PIK3CB: variants seen among roughly 807,000 people sequenced by gnomAD.
PIK3CB encodes phosphatidylinositol-4,5-bisphosphate 3-kinase catalytic subunit beta.
Under a neutral mutation model 136.8 loss-of-function variants are expected in PIK3CB, and 39 were observed. That is an observed-to-expected ratio of 0.29 (90% CI 0.22 to 0.37). PIK3CB has a LOEUF of 0.37. Among genes scored for constraint, PIK3CB ranks in the 10% least tolerant of loss-of-function variants. The pLI, the probability that PIK3CB is intolerant of heterozygous loss-of-function variation, is 1.00. For synonymous variants in PIK3CB, 428 were observed against 436.6 expected (o/e 0.98, Z 0.25); for missense variants, 868 against 1,275.4 (o/e 0.68, Z 4.87).
chr3:138,760,165 C>T (rs543025611), intron 2 of PIK3CB, among the ~76,000 whole-genome samples: 12 of 152,250 alleles, frequency 7.9e-5, no homozygotes, highest in South Asian at 2.1e-4. Context: ...CCTCGTGATC[C>T]GCCCGCCTTG....
intron 19 of PIK3CB, among the ~76,000 whole-genome samples, chr3:138,671,684 C>G (rs1354838947): frequency 1.3e-5 from 2 of 152,258 alleles, no homozygotes; most frequent in East Asian, 1.9e-4. Context: ...CCTAAGGAAA[C>G]TGAACACTTG....
intron 22 of PIK3CB, 49 bp from the exon 23 acceptor site, chr3:138,656,323 A>G (rs1270265861): frequency 1.9e-6 from 3 of 1,593,270 alleles, no homozygotes; most frequent in Non-Finnish European, 2.6e-6. Flanking sequence ...GAGGGGAGAG[A>G]GCACATTTCA....
chr3:138,774,806 C>T (rs2045839574), intron 2 of PIK3CB, among the ~76,000 whole-genome samples: 1 of 152,194 alleles, frequency 6.6e-6, no homozygotes, highest in South Asian at 2.1e-4. Context: ...AGAAAATGCA[C>T]TATTCCAGGC....
chr3:138,795,323 TAAAA>T (rs56912195), intron 2 of PIK3CB, among the ~76,000 whole-genome samples: 5 of 112,366 alleles, frequency 4.4e-5, no homozygotes, highest in Middle Eastern at 4.7e-3. Context: ...CTCTGTCTTT[TAAAA>T]AAAAAAAAAA....
intron 2 of PIK3CB, among the ~76,000 whole-genome samples, chr3:138,763,520 C>T (rs909008262): frequency 3.3e-5 from 5 of 152,160 alleles, no homozygotes; most frequent in African/African-American, 9.7e-5. Context: ...AACCTGTACA[C>T]GTCCCTAGTT....
At chr3:138,700,563 C>T (rs1442015087) in intron 12 of PIK3CB, among the ~76,000 whole-genome samples, 1 of 151,510 alleles carries the variant, frequency 6.6e-6, no homozygotes, top group Non-Finnish European at 1.5e-5. Flanking sequence ...AATCCATCTC[C>T]TATAAGTTAA....
chr3:138,810,813 G>C (rs377403480), intron 1 of PIK3CB, among the ~76,000 whole-genome samples: 1 of 151,732 alleles, frequency 6.6e-6, no homozygotes, highest in Non-Finnish European at 1.5e-5. Context: ...CCAGCTACTC[G>C]GGAGGCTGAG....
At position 138,813,707 on chromosome 3, in the gene PIK3CB, G is replaced by A. The variant is rs556076033; in HGVS notation, c.-121-17140C>T. ...GCTGGGATTACAGGCGTGAGCCACC[G>A]CGCCCAGCCGATTAAGGGCCTACTC... is the stretch of plus-strand genomic sequence containing the variant. On this transcript the variant is annotated intron_variant, in intron 1 of 23. Coordinates refer to ENST00000674063, the MANE Select transcript of PIK3CB (RefSeq NM_006219.3). Among the ~76,000 whole-genome samples, 567 of 151,808 alleles carry A rather than the reference G, an allele frequency of 3.7e-3. 3 individuals are homozygous for A. The highest frequency in any genetic ancestry group is 0.012 in the African/African-American group (514 of 41,338).
At chr3:138,747,193 C>T (rs753879550) in intron 4 of PIK3CB, among the ~76,000 whole-genome samples, 1 of 146,326 alleles carries the variant, frequency 6.8e-6, no homozygotes, top group Non-Finnish European at 1.5e-5. Context: ...AGCCTGTGCA[C>T]CCAGCTGCAT....
chr3:138,655,204 G>T lies in PIK3CB; in HGVS notation c.*185C>A. 1.7e-6 allele frequency: 1 copy of T among 594,632 alleles called. No individual in the cohort carries two copies. 36.8% of individuals were successfully genotyped at this position (594,632 alleles called of 1,614,324 possible). A position where few individuals can be genotyped will look rare whatever the true frequency, so the allele number is the denominator to read the frequency against. The stretch of plus-strand genomic sequence containing the variant: ...GATAAGTCTTGGAAGCATTCAAAAA[G>T]CAGAGGGAATCATCGGGGATTGTTC... On this transcript the variant is annotated 3_prime_UTR_variant, in exon 24 of 24. Transcript: ENST00000674063.
chr3:138,763,121 A>AGTATGTATGTATGTATGTAT (rs111529463), intron 2 of PIK3CB, among the ~76,000 whole-genome samples: 59,007 of 149,452 alleles, frequency 0.39, 13,778 homozygotes, highest in East Asian at 0.83. Flanking sequence ...AATGAAAGTT[A>AGTATGTATGTATGTATGTAT]GTATGTATGT....
intron 1 of PIK3CB, among the ~76,000 whole-genome samples, chr3:138,801,444 T>A (rs2108841670): frequency 6.6e-6 from 1 of 152,212 alleles, no homozygotes; most frequent in South Asian, 2.1e-4. Context: ...TTGAAAACAG[T>A]CACAGGGCAG....
chr3:138,744,568 G>T (rs2045315702), intron 4 of PIK3CB, among the ~76,000 whole-genome samples: 1 of 151,814 alleles, frequency 6.6e-6, no homozygotes, highest in African/African-American at 2.4e-5. Context: ...GCAGACGCAG[G>T]CATACTGTAT....
intron 10 of PIK3CB, among the ~76,000 whole-genome samples, chr3:138,709,382 G>A (rs2044448316): frequency 6.6e-6 from 1 of 151,996 alleles, no homozygotes; most frequent in African/African-American, 2.4e-5. Flanking sequence ...ATGTAGATAT[G>A]TAGATATGGT....
chr3:138,796,791 G>A (rs938814713), intron 1 of PIK3CB: 6 of 152,028 alleles, frequency 3.9e-5, no homozygotes, highest in African/African-American at 7.2e-5. Context: ...TCAGGACCAG[G>A]ACAGACAACA....
intron 2 of PIK3CB, among the ~76,000 whole-genome samples, chr3:138,781,998 C>T (rs956182898): frequency 6.6e-6 from 1 of 152,224 alleles, no homozygotes; most frequent in Non-Finnish European, 1.5e-5. Flanking sequence ...TTTCCTTGCA[C>T]TAAATTGCTA....
chr3:138,752,528 G>A (rs1240129990), intron 4 of PIK3CB, among the ~76,000 whole-genome samples: 1 of 152,080 alleles, frequency 6.6e-6, no homozygotes, highest in Non-Finnish European at 1.5e-5. Context: ...TTAAATTTGT[G>A]TATATAATCA....
chr3:138,807,740 A>G (rs1424020153), intron 1 of PIK3CB, among the ~76,000 whole-genome samples: 1 of 152,126 alleles, frequency 6.6e-6, no homozygotes, highest in Non-Finnish European at 1.5e-5. Context: ...TAAAAATTTT[A>G]AAAATTAACC....
At chr3:138,659,084 A>G (rs1230873797) in intron 21 of PIK3CB, among the ~76,000 whole-genome samples, 1 of 152,226 alleles carries the variant, frequency 6.6e-6, no homozygotes. Context: ...CATAGGCCAT[A>G]TAATTCTTTG....
Sources: allele counts gnomAD v4.1 joint callset (sites outside exome capture counted in the v4.1 genomes callset), GRCh38; gene constraint gnomAD v4.1.1; transcripts MANE v1.5; gene names NCBI Gene and HGNC (gene_info 2026-07-23, HGNC 2026-07-21).